The following NALCN variants were observed in gnomAD, a reference collection of about 807,000 sequenced individuals.
NALCN encodes the protein sodium leak channel NALCN.
NALCN carries 111 observed loss-of-function variants against 225.3 expected under a neutral mutation model. That is an observed-to-expected ratio of 0.49 (90% confidence interval 0.42 to 0.58). The LOEUF (loss-of-function observed/expected upper bound fraction) is 0.58. Ranked by LOEUF, NALCN falls within the 20% of genes least tolerant of loss-of-function variation. The probability of loss-of-function intolerance (pLI) is 0.00; values close to 1 mark genes in which losing one functional copy is unlikely to be tolerated. For missense variants in NALCN, 1,378 were observed against 2,202.4 expected (o/e 0.63, Z 7.49); for synonymous variants, 764 against 769.0 (o/e 0.99, Z 0.11).
At chr13:101,321,797 A>G (rs2044754420) in intron 7 of NALCN, among the ~76,000 whole-genome samples, 1 of 152,150 alleles carries the variant, frequency 6.6e-6, no homozygotes, top group Non-Finnish European at 1.5e-5. Context: ...TATGAAAGTG[A>G]GTTTCAAAGT....
At chr13:101,211,346 G>GGT (rs1170382632) in intron 13 of NALCN, among the ~76,000 whole-genome samples, 3 of 152,036 alleles carry the variant, frequency 2.0e-5, no homozygotes, top group Non-Finnish European at 4.4e-5. Flanking sequence ...ACTCTTCTAG[G>GGT]GTTAGGGGTA....
chr13:101,365,442 T>C (rs898896820), intron 6 of NALCN, among the ~76,000 whole-genome samples: 3 of 152,208 alleles, frequency 2.0e-5, no homozygotes, highest in African/African-American at 4.8e-5. Flanking sequence ...ACAAAATTTA[T>C]AAGACAATAC....
intron 14 of NALCN, among the ~76,000 whole-genome samples, chr13:101,178,801 C>A (rs1306272022): frequency 6.6e-6 from 1 of 152,208 alleles, no homozygotes; most frequent in East Asian, 1.9e-4. Context: ...ATCTTGAGAA[C>A]ACGTATGGAA....
intron 7 of NALCN, among the ~76,000 whole-genome samples, chr13:101,323,039 A>T (rs1270529126): frequency 6.6e-6 from 1 of 152,040 alleles, no homozygotes; most frequent in Non-Finnish European, 1.5e-5. Flanking sequence ...AAGTAAGATA[A>T]CTCTATTTTG....
intron 10 of NALCN, among the ~76,000 whole-genome samples, chr13:101,267,994 T>C (rs976263210): frequency 1.3e-5 from 2 of 152,258 alleles, no homozygotes; most frequent in Non-Finnish European, 2.9e-5. Flanking sequence ...AGAACAGAAA[T>C]GGAAGTGATG....
At chr13:101,199,456 A>G (rs1014510481) in intron 13 of NALCN, among the ~76,000 whole-genome samples, 1 of 151,902 alleles carries the variant, frequency 6.6e-6, no homozygotes, top group Non-Finnish European at 1.5e-5. Context: ...ACACAATGGA[A>G]TACTATGCAG....
intron 15 of NALCN, among the ~76,000 whole-genome samples, chr13:101,145,660 A>G (rs2037311286): frequency 6.6e-6 from 1 of 152,090 alleles, no homozygotes; most frequent in South Asian, 2.1e-4. Flanking sequence ...ATACTTTCCT[A>G]TGCTCTCTTT....
chr13:101,280,051 A>G (rs1017724558), intron 10 of NALCN, among the ~76,000 whole-genome samples: 3 of 152,038 alleles, frequency 2.0e-5, no homozygotes, highest in Non-Finnish European at 4.4e-5. Context: ...ATATATTTTT[A>G]CTTAATTCTT....
chr13:101,416,531 G>C (rs1007064179), upstream of NALCN: 1 of 152,000 alleles, frequency 6.6e-6, no homozygotes, highest in Non-Finnish European at 1.5e-5. Context: ...CGCCGGGCAG[G>C]CTGGGGGAGG....
chr13:101,306,608 C>G (rs2044160854), intron 7 of NALCN, among the ~76,000 whole-genome samples: 1 of 152,188 alleles, frequency 6.6e-6, no homozygotes, highest in Non-Finnish European at 1.5e-5. Context: ...GGAGGTGGGA[C>G]ACCATCGTCC....
At chr13:101,204,432 G>A (rs1486431395) in intron 13 of NALCN, among the ~76,000 whole-genome samples, 1 of 152,022 alleles carries the variant, frequency 6.6e-6, no homozygotes, top group Non-Finnish European at 1.5e-5. Context: ...TAAAGAGAGA[G>A]GAGAAAAAAA....
At chr13:101,385,439 TA>T (rs11369982) in intron 3 of NALCN, among the ~76,000 whole-genome samples, 9 of 150,866 alleles carry the variant, frequency 6.0e-5, no homozygotes, top group East Asian at 1.9e-4. Context: ...AGCCCTTTCA[TA>T]AAAAAAAAGA....
At chr13:101,183,686 C>T (rs964937866) in intron 14 of NALCN, among the ~76,000 whole-genome samples, 9 of 152,084 alleles carry the variant, frequency 5.9e-5, no homozygotes, top group Non-Finnish European at 1.3e-4. Context: ...TCTGGAATTC[C>T]CGACCTCAGG....
chr13:101,128,778 T>C (rs1362686663), intron 17 of NALCN, among the ~76,000 whole-genome samples: 1 of 151,936 alleles, frequency 6.6e-6, no homozygotes, highest in Non-Finnish European at 1.5e-5. Context: ...CACAGGCTGG[T>C]CTTGAAATGC....
At chr13:101,068,890 T>G (rs1285790187) in intron 37 of NALCN, 63 bp from the exon 38 acceptor site, 1 of 1,481,134 alleles carries the variant, frequency 6.8e-7, no homozygotes, top group Non-Finnish European at 9.0e-7. Context: ...TTCTTTTAGC[T>G]GACTATAGTT....
chr13:101,089,574 T>C lies in NALCN; in HGVS notation c.3489+89A>G, dbSNP rs2034111191. 1 of 1,168,582 alleles carries C rather than the reference T, an allele frequency of 8.6e-7. No homozygotes were observed. The highest frequency in any genetic ancestry group is 1.2e-6 in the Non-Finnish European group (1 of 802,438). The allele number at this position is 1,168,582 out of a possible 1,614,324, so 72.4% of individuals were successfully genotyped here. A position where few individuals can be genotyped will look rare whatever the true frequency, so the allele number is the denominator to read the frequency against. ...CAGTCACATTACAGTTTAAAGCGGCTTCACGCCGCGTGTGAAAAGAAACAA... is the reference window on the plus strand; with the variant it reads ...CAGTCACATTACAGTTTAAAGCGGCCTCACGCCGCGTGTGAAAAGAAACAA... On this transcript the variant is annotated intron_variant, in intron 30 of 43. Transcript: ENST00000251127. The surrounding 1 kb of genome is among the most constrained non-coding windows in gnomAD (Gnocchi z 4.7).
chr13:101,344,738 T>C (rs932456065), intron 7 of NALCN, among the ~76,000 whole-genome samples: 1 of 152,224 alleles, frequency 6.6e-6, no homozygotes, highest in African/African-American at 2.4e-5. Flanking sequence ...TTTGAGCACA[T>C]AGTTCTCATG....
Position 101,413,491 on chromosome 13 carries a change from C to T in NALCN, c.-40+2822G>A, listed in dbSNP as rs148278718. 6.8e-3 allele frequency among the ~76,000 whole-genome samples: 1,033 copies of T among 151,866 alleles called. 11 individuals carry two copies. The highest frequency in any genetic ancestry group is 0.023 in the African/African-American group (972 of 41,472). ...TGTATTTACTGGGTATGGTGTTATA[C>T]AGCCATTTACAATTTTTAAGTAAGA... On this transcript the variant is annotated intron_variant, in intron 1 of 43. Transcript: ENST00000251127.
chr13:101,375,891 C>G (rs1163785848), intron 6 of NALCN, among the ~76,000 whole-genome samples: 1 of 152,030 alleles, frequency 6.6e-6, no homozygotes, highest in African/African-American at 2.4e-5. Context: ...CTGGACCATC[C>G]AGGGGCCAAC....
Sources: allele counts gnomAD v4.1 joint callset (sites outside exome capture counted in the v4.1 genomes callset), GRCh38; gene constraint gnomAD v4.1.1; non-coding constraint Gnocchi (gnomAD v3.1); transcripts MANE v1.5; gene names NCBI Gene and HGNC (gene_info 2026-07-23, HGNC 2026-07-21).